Variants in ATP8A1 observed in about 807,000 individuals in gnomAD.
The protein encoded by ATP8A1 is phospholipid-transporting ATPase IA.
ATP8A1 carries 90 observed loss-of-function variants against 177.7 expected under a neutral mutation model. The ratio of observed to expected loss-of-function variants is 0.51; its 90% CI spans 0.43 to 0.60. The LOEUF (loss-of-function observed/expected upper bound fraction) is 0.60, where lower values mean the gene tolerates loss of function less well. ATP8A1 is among the 20% of genes least tolerant of loss of function. The pLI, the probability that ATP8A1 is intolerant of heterozygous loss-of-function variation, is 0.00. For missense variants in ATP8A1, 1,072 were observed against 1,392.8 expected (o/e 0.77, Z 3.67); for synonymous variants, 493 against 485.9 (o/e 1.01, Z -0.19).
chr4:42,509,364 G>GA (rs1280894959), intron 22 of ATP8A1, among the ~76,000 whole-genome samples: 3 of 152,230 alleles, frequency 2.0e-5, no homozygotes, highest in African/African-American at 7.2e-5. Flanking sequence ...TAGTAGAGCT[G>GA]TTGAGGAAGA....
intron 30 of ATP8A1, 128 bp from the exon 31 acceptor site, chr4:42,446,772 T>TA (rs35005173): frequency 0.45 from 241,877 of 541,772 alleles, 32,762 homozygotes; most frequent in Admixed American, 0.54. Context: ...GAAATGAGAT[T>TA]AAAAAAAAAA....
intron 14 of ATP8A1, among the ~76,000 whole-genome samples, chr4:42,573,947 C>T (rs1732159466): frequency 6.6e-6 from 1 of 152,070 alleles, no homozygotes; most frequent in Non-Finnish European, 1.5e-5. Context: ...CTTTTGATGT[C>T]TTTTCTAGGA....
At chr4:42,572,556 A>G (rs1732013513) in intron 14 of ATP8A1, among the ~76,000 whole-genome samples, 1 of 152,250 alleles carries the variant, frequency 6.6e-6, no homozygotes, top group Non-Finnish European at 1.5e-5. Flanking sequence ...GAACACTGAT[A>G]AAAACTCAAG....
chr4:42,592,695 C>T (rs1337484601), intron 6 of ATP8A1, among the ~76,000 whole-genome samples: 2 of 152,120 alleles, frequency 1.3e-5, no homozygotes, highest in South Asian at 2.1e-4. Flanking sequence ...ATAGAGGGTA[C>T]CTATACAAAC....
chr4:42,452,176 T>G (rs1358612056), intron 29 of ATP8A1, 117 bp from the exon 30 acceptor site: 2 of 641,000 alleles, frequency 3.1e-6, no homozygotes, highest in East Asian at 2.9e-5. Context: ...GGGCCACCAC[T>G]GTGAATTAAT....
intron 6 of ATP8A1, chr4:42,594,496 G>A: frequency 3.4e-6 from 2 of 590,628 alleles, no homozygotes; most frequent in South Asian, 2.3e-5. Context: ...TTCACAAAAT[G>A]GAAGAAAATT....
chr4:42,511,298 A>T (rs556634781), intron 22 of ATP8A1, among the ~76,000 whole-genome samples: 1 of 152,212 alleles, frequency 6.6e-6, no homozygotes, highest in East Asian at 1.9e-4. Flanking sequence ...ATAACACAAG[A>T]GTGTTTAGGC....
intron 15 of ATP8A1, among the ~76,000 whole-genome samples, chr4:42,560,010 C>A (rs1730647417): frequency 6.6e-6 from 1 of 152,176 alleles, no homozygotes; most frequent in Non-Finnish European, 1.5e-5. Flanking sequence ...CCAACCCCTA[C>A]AGTCCAGTTT....
At chr4:42,514,547 G>A (rs962185477) in intron 22 of ATP8A1, among the ~76,000 whole-genome samples, 16 of 152,178 alleles carry the variant, frequency 1.1e-4, no homozygotes, top group Admixed American at 1.0e-3. Context: ...CATAGAGGCT[G>A]CCTCACTAAG....
At chr4:42,458,442 T>C (rs1718723434) in intron 27 of ATP8A1, among the ~76,000 whole-genome samples, 1 of 152,172 alleles carries the variant, frequency 6.6e-6, no homozygotes, top group Non-Finnish European at 1.5e-5. Flanking sequence ...TGACCAATCA[T>C]TTGAAAGGAA....
intron 1 of ATP8A1, among the ~76,000 whole-genome samples, chr4:42,631,956 G>A (rs551067881): frequency 1.1e-3 from 163 of 152,216 alleles, no homozygotes; most frequent in African/African-American, 3.8e-3. Context: ...AGATATATGC[G>A]CCTTCCTCAC....
chr4:42,458,075 A>G (rs1718683306), intron 27 of ATP8A1, among the ~76,000 whole-genome samples: 1 of 152,184 alleles, frequency 6.6e-6, no homozygotes, highest in South Asian at 2.1e-4. Flanking sequence ...TTAATATTCA[A>G]GTTTACATAT....
At position 42,614,631 on chromosome 4, in the gene ATP8A1, C is replaced by T. The variant is rs150167548; in HGVS notation, c.409+1402G>A. Among the ~76,000 whole-genome samples, 616 of 152,278 alleles carry T rather than the reference C, an allele frequency of 4.0e-3. 3 individuals are homozygous for T. Among genetic ancestry groups the T allele is most frequent in the African/African-American group, 0.014 (591 of 41,546 alleles). On this transcript the variant is annotated intron_variant, in intron 5 of 36. Coordinates refer to ENST00000381668, the MANE Select transcript of ATP8A1 (RefSeq NM_006095.2). Reference sequence around the variant, plus strand: ...TTGGCTCATAAACCTTCAACAGCGACTCAATATCCACAAGAAATATTGGAA... The same window carrying T: ...TTGGCTCATAAACCTTCAACAGCGATTCAATATCCACAAGAAATATTGGAA...
chr4:42,593,822 G>C (rs1437859144), intron 6 of ATP8A1, among the ~76,000 whole-genome samples: 1 of 151,978 alleles, frequency 6.6e-6, no homozygotes, highest in Non-Finnish European at 1.5e-5. Flanking sequence ...AAGTACTTTT[G>C]TGTTGGAAGA....
intron 24 of ATP8A1, among the ~76,000 whole-genome samples, chr4:42,491,595 T>G (rs893372118): frequency 2.0e-5 from 3 of 152,166 alleles, no homozygotes; most frequent in Admixed American, 6.5e-5. Context: ...CACAGTTTCA[T>G]AGTGAAATAA....
At chr4:42,443,274 C>T (rs1716828438) in intron 33 of ATP8A1, among the ~76,000 whole-genome samples, 1 of 152,176 alleles carries the variant, frequency 6.6e-6, no homozygotes, top group Admixed American at 6.5e-5. Flanking sequence ...TTTAAAATGG[C>T]ATCTTCTATA....
intron 25 of ATP8A1, among the ~76,000 whole-genome samples, chr4:42,479,996 T>TTGTGTGTGTG (rs376966152): frequency 0.33 from 44,609 of 135,250 alleles, 7,839 homozygotes; most frequent in East Asian, 0.46. Flanking sequence ...GCAGTTCTGC[T>TTGTGTGTGTG]TGTGTGTGTG....
intron 20 of ATP8A1, among the ~76,000 whole-genome samples, chr4:42,541,654 G>A (rs964947294): frequency 3.9e-5 from 6 of 152,302 alleles, no homozygotes; most frequent in Middle Eastern, 6.8e-3. Flanking sequence ...CGCATAAACT[G>A]TGGCACATCC....
intron 4 of ATP8A1, among the ~76,000 whole-genome samples, chr4:42,623,962 T>G (rs755955965): frequency 4.6e-5 from 7 of 151,980 alleles, no homozygotes; most frequent in Non-Finnish European, 7.4e-5. Context: ...ACAGTTAAAA[T>G]AGATATAACA....
Sources: gnomAD v4.1 joint callset for allele counts (sites outside exome capture counted in the v4.1 genomes callset) on GRCh38, gnomAD v4.1.1 for gene constraint, MANE v1.5 for transcripts, NCBI Gene and HGNC (gene_info 2026-07-23, HGNC 2026-07-21) for gene names.